Variants in YEATS2 observed in about 807,000 individuals in gnomAD.
YEATS2 encodes YEATS domain-containing protein 2.
A neutral mutation model predicts 163.2 loss-of-function variants in YEATS2; 77 were observed. The ratio of observed to expected loss-of-function variants is 0.47; its 90% CI spans 0.39 to 0.57. The LOEUF (loss-of-function observed/expected upper bound fraction) is 0.57. Ranked by LOEUF, YEATS2 falls within the 20% of genes least tolerant of loss-of-function variation. The pLI, the probability that YEATS2 is intolerant of heterozygous loss-of-function variation, is 0.00. For synonymous variants in YEATS2, 631 were observed against 645.1 expected (o/e 0.98, Z 0.33); for missense variants, 1,549 against 1,729.8 (o/e 0.90, Z 1.85).
chr3:183,780,377 A>G (rs1723451528), intron 19 of YEATS2, among the ~76,000 whole-genome samples: 1 of 152,194 alleles, frequency 6.6e-6, no homozygotes, highest in Admixed American at 6.5e-5. Context: ...GAGCTTATCT[A>G]GCGTTTTTCC....
Position 183,775,882 on chromosome 3 carries a change from T to C in YEATS2, c.2369-33T>C, listed in dbSNP as rs752764664. 9 of 1,610,630 alleles carry C rather than the reference T, an allele frequency of 5.6e-6. No individual in the cohort carries two copies. In the East Asian group the frequency reaches 1.8e-4, roughly 32 times the overall value. On this transcript the variant is annotated intron_variant, in intron 17 of 30. Transcript: ENST00000305135. Reference sequence around the variant, plus strand: ...ATGCTAAAGCTTTGCTTGATACTTTTTATGATGTTGCTGTCATTCATTGTA... The same window carrying C: ...ATGCTAAAGCTTTGCTTGATACTTTCTATGATGTTGCTGTCATTCATTGTA...
intron 2 of YEATS2, among the ~76,000 whole-genome samples, chr3:183,716,723 A>G (rs1269664359): frequency 6.6e-6 from 1 of 152,120 alleles, no homozygotes; most frequent in Non-Finnish European, 1.5e-5. Context: ...AATTGAATGT[A>G]AGTTCCAAAA....
chr3:183,772,660 A>T (rs1722592167), intron 16 of YEATS2, 97 bp downstream of exon 16: 1 of 1,479,176 alleles, frequency 6.8e-7, no homozygotes, highest in Admixed American at 2.1e-5. Flanking sequence ...GGTCTAGGAA[A>T]GCCTAGTTAG....
intron 8 of YEATS2, among the ~76,000 whole-genome samples, chr3:183,741,040 G>A (rs1333192407): frequency 6.6e-6 from 1 of 152,064 alleles, no homozygotes; most frequent in African/African-American, 2.4e-5. Flanking sequence ...CTGGGTTCAA[G>A]CAATCCTCCC....
intron 1 of YEATS2, among the ~76,000 whole-genome samples, chr3:183,714,259 G>A (rs1480328962): frequency 1.3e-5 from 2 of 149,340 alleles, no homozygotes; most frequent in Non-Finnish European, 3.0e-5. Flanking sequence ...GCAGTGGCGC[G>A]ATCTCAGCTC....
intron 8 of YEATS2, among the ~76,000 whole-genome samples, chr3:183,739,168 T>C (rs576795102): frequency 2.5e-4 from 38 of 152,168 alleles, no homozygotes; most frequent in East Asian, 3.9e-4. Flanking sequence ...GGAAGTCAAA[T>C]TGTCCCTGTT....
chr3:183,724,653 T>C, intron 6 of YEATS2, 122 bp downstream of exon 6: 1 of 696,154 alleles, frequency 1.4e-6, no homozygotes, highest in Non-Finnish European at 2.2e-6. Context: ...CCCTTAGTTG[T>C]TTAAAAAGTA....
At chr3:183,781,691 G>C (rs1454789013) in intron 19 of YEATS2, among the ~76,000 whole-genome samples, 1 of 152,044 alleles carries the variant, frequency 6.6e-6, no homozygotes, top group African/African-American at 2.4e-5. Context: ...ATAATGCATA[G>C]ATCATAAGCG....
Position 183,755,740 on chromosome 3 carries a change from T to C in YEATS2, c.1391-788T>C, listed in dbSNP as rs1344419553. 1.4e-4 allele frequency among the ~76,000 whole-genome samples: 8 copies of C among 58,034 alleles called. No homozygotes were observed. The South Asian group carries it at 2.8e-3, about 20-fold the overall frequency. The allele number at this position is 58,034 out of a possible 152,430, so 38.1% of individuals were successfully genotyped here. A position where few individuals can be genotyped will look rare whatever the true frequency, so the allele number is the denominator to read the frequency against. On this transcript the variant is annotated intron_variant, in intron 11 of 30. Coordinates refer to ENST00000305135, the MANE Select transcript of YEATS2 (RefSeq NM_018023.5). ...TACTTACTGATTTTCTTCCTTCCTTTCTTTTTTTTTTTTTTTTTTTTTTTT... is the reference window on the plus strand; with the variant it reads ...TACTTACTGATTTTCTTCCTTCCTTCCTTTTTTTTTTTTTTTTTTTTTTTT...
intron 2 of YEATS2, among the ~76,000 whole-genome samples, chr3:183,716,646 T>C (rs1315540987): frequency 6.6e-6 from 1 of 152,170 alleles, no homozygotes; most frequent in East Asian, 1.9e-4. Context: ...TCACATGGCA[T>C]AACTTTTTAA....
chr3:183,750,179 C>T (rs1164788264), intron 9 of YEATS2, among the ~76,000 whole-genome samples: 1 of 152,068 alleles, frequency 6.6e-6, no homozygotes, highest in Non-Finnish European at 1.5e-5. Context: ...GGCTTGTCTT[C>T]AACTCCTGGG....
At chr3:183,785,549 G>A (rs1162540406) in intron 19 of YEATS2, among the ~76,000 whole-genome samples, 3 of 150,628 alleles carry the variant, frequency 2.0e-5, no homozygotes, top group South Asian at 4.2e-4. Context: ...CCAGCTACTC[G>A]AAAGGCTGGG....
intron 8 of YEATS2, among the ~76,000 whole-genome samples, chr3:183,746,302 C>T (rs967841952): frequency 4.6e-5 from 7 of 152,154 alleles, no homozygotes; most frequent in African/African-American, 1.7e-4. Flanking sequence ...AATCAGCCTG[C>T]CTTAGTCTCC....
intron 2 of YEATS2, among the ~76,000 whole-genome samples, chr3:183,717,291 C>T (rs1323160400): frequency 1.3e-5 from 2 of 152,176 alleles, no homozygotes; most frequent in East Asian, 3.8e-4. Context: ...CTCTCAGTCT[C>T]CTCAACCCTT....
In YEATS2 at chr3:183,724,540, C is replaced by T; in HGVS notation, c.650+9C>T. The T allele has an allele frequency of 6.4e-7, 1 of 1,570,186 alleles. No individual in the cohort carries two copies. Among genetic ancestry groups the T allele is most frequent in the East Asian group, 2.3e-5 (1 of 44,406 alleles). On this transcript the variant is annotated intron_variant, in intron 6 of 30. Coordinates refer to ENST00000305135, the MANE Select transcript of YEATS2 (RefSeq NM_018023.5). The stretch of plus-strand genomic sequence containing the variant: ...GTGGGCAATGTGTCCAAGTGAGTAT[C>T]CAGTTGAATTTATTTTTATTTGTCC...
At chr3:183,722,219 A>ACTGT in intron 5 of YEATS2, 83 bp downstream of exon 5, 1 of 1,433,204 alleles carries the variant, frequency 7.0e-7, no homozygotes, top group Non-Finnish European at 9.3e-7. Context: ...ATCTCACTGA[A>ACTGT]CTGTCACAGG....
intron 1 of YEATS2, among the ~76,000 whole-genome samples, chr3:183,709,139 G>A (rs117879930): frequency 0.018 from 2,703 of 151,490 alleles, 80 homozygotes; most frequent in East Asian, 0.14. Context: ...CAGCCTGGGC[G>A]ACAAAAGTGA....
chr3:183,725,893 T>C (rs912003474), intron 6 of YEATS2, among the ~76,000 whole-genome samples: 2 of 152,204 alleles, frequency 1.3e-5, no homozygotes, highest in African/African-American at 2.4e-5. Context: ...CTTTGACTTT[T>C]TGTTCTTCTT....
chr3:183,750,591 A>AT (rs1043114688), intron 9 of YEATS2, among the ~76,000 whole-genome samples: 2 of 151,948 alleles, frequency 1.3e-5, no homozygotes, highest in South Asian at 2.1e-4. Context: ...GCATTTGTTA[A>AT]TTTTTTTTGT....
Sources: allele counts gnomAD v4.1 joint callset (sites outside exome capture counted in the v4.1 genomes callset), GRCh38; gene constraint gnomAD v4.1.1; transcripts MANE v1.5; gene names NCBI Gene and HGNC (gene_info 2026-07-23, HGNC 2026-07-21).